RASA4B: variants seen among roughly 807,000 people sequenced by gnomAD.
RASA4B encodes the protein ras GTPase-activating protein 4B.
In RASA4B, 2 loss-of-function variants were observed where a neutral mutation model predicts 24.2. The ratio of observed to expected loss-of-function variants is 0.08; its 90% CI spans 0.03 to 0.26. The LOEUF (loss-of-function observed/expected upper bound fraction) is 0.26. RASA4B is among the 10% of genes least tolerant of loss of function. RASA4B has a pLI of 1.00. For synonymous variants in RASA4B, 2 were observed against 125.6 expected (o/e 0.02, Z 6.58); for missense variants, 8 against 277.2 (o/e 0.03, Z 6.90).
chr7:102,512,852 G>C (rs539293833), intron 1 of RASA4B, among the ~76,000 whole-genome samples: 3 of 148,264 alleles, frequency 2.0e-5, no homozygotes, highest in Non-Finnish European at 4.5e-5. Flanking sequence ...GAGGGAGGGG[G>C]AGACTGAGGG....
At position 102,480,297 on chromosome 7, in the gene RASA4B, G is replaced by A. The variant is rs970026698; in HGVS notation, c.*3295C>T. 6.6e-6 allele frequency among the ~76,000 whole-genome samples: 1 copy of A among 152,052 alleles called. No homozygotes were observed. Among genetic ancestry groups the A allele is most frequent in the Non-Finnish European group, 1.5e-5 (1 of 68,010 alleles). On this transcript the variant is annotated 3_prime_UTR_variant, in exon 21 of 21. Coordinates refer to ENST00000465829, the MANE Select transcript of RASA4B (RefSeq NM_001367767.2). ...GAGATCAGGATGAGGGTGGTGAGGTGGTGATCAGGGGGACCCATGCTTCTG... is the reference window on the plus strand; with the variant it reads ...GAGATCAGGATGAGGGTGGTGAGGTAGTGATCAGGGGGACCCATGCTTCTG...
At chr7:102,506,306 A>G (rs1337624557) in intron 5 of RASA4B, among the ~76,000 whole-genome samples, 2 of 152,282 alleles carry the variant, frequency 1.3e-5, no homozygotes, top group Non-Finnish European at 2.9e-5. Flanking sequence ...GCTGGAGTGC[A>G]GTGGCGCCAT....
chr7:102,497,253 C>T (rs1799181607), intron 8 of RASA4B, among the ~76,000 whole-genome samples: 1 of 151,566 alleles, frequency 6.6e-6, no homozygotes, highest in Non-Finnish European at 1.5e-5. Context: ...AGCCTTGAAT[C>T]GATCAACTCC....
chr7:102,513,127 A>G (rs1247838480), intron 1 of RASA4B, among the ~76,000 whole-genome samples: 9 of 147,444 alleles, frequency 6.1e-5, no homozygotes, highest in Non-Finnish European at 1.2e-4. Flanking sequence ...TCTCCCCAAC[A>G]CTGACACTGC....
chr7:102,491,366 G>A (rs1389877321), intron 16 of RASA4B, among the ~76,000 whole-genome samples: 2 of 25,022 alleles, frequency 8.0e-5, no homozygotes, highest in African/African-American at 9.9e-5. Flanking sequence ...GGGTAGTGTC[G>A]GGACAGCCAG....
chr7:102,492,117 C>T (rs1165543314), intron 16 of RASA4B, among the ~76,000 whole-genome samples: 2 of 8,982 alleles, frequency 2.2e-4, no homozygotes, highest in African/African-American at 4.1e-4. Context: ...AAGACCCTGT[C>T]TCAAAAAATA....
chr7:102,508,663 GT>G (rs1243012369), intron 4 of RASA4B, among the ~76,000 whole-genome samples: 576 of 106,520 alleles, frequency 5.4e-3, no homozygotes, highest in Non-Finnish European at 8.3e-3. Context: ...TAGAGACAGA[GT>G]TTTGCCATGT....
At chr7:102,498,206 G>T (rs1263361959) in intron 8 of RASA4B, among the ~76,000 whole-genome samples, 72 of 146,362 alleles carry the variant, frequency 4.9e-4, no homozygotes, top group African/African-American at 1.7e-3. Context: ...GCCTAAATTT[G>T]AATATTTTTA....
intron 1 of RASA4B, among the ~76,000 whole-genome samples, chr7:102,512,714 A>AGG (rs1299989255): frequency 2.5e-3 from 285 of 112,924 alleles, no homozygotes; most frequent in African/African-American, 9.9e-3. Flanking sequence ...GGGGTGAGAG[A>AGG]GGGGGGAGAG....
chr7:102,502,759 CA>C (rs879529595), intron 6 of RASA4B, among the ~76,000 whole-genome samples: 83 of 107,588 alleles, frequency 7.7e-4, no homozygotes, highest in Non-Finnish European at 1.0e-3. Flanking sequence ...GACTTGGCCT[CA>C]AAAAAAAAAA....
chr7:102,484,777 A>G (rs1321835186), intron 19 of RASA4B, among the ~76,000 whole-genome samples: 1 of 148,840 alleles, frequency 6.7e-6, no homozygotes, highest in Non-Finnish European at 1.5e-5. Flanking sequence ...GAATTGGCTG[A>G]GGCTGTGCCT....
intron 1 of RASA4B, among the ~76,000 whole-genome samples, chr7:102,512,721 AGAGAGAGAAGGG>A (rs1799730874): frequency 9.4e-6 from 1 of 106,296 alleles, no homozygotes; most frequent in Admixed American, 1.0e-4. Flanking sequence ...GAGAGGGGGG[AGAGAGAGAAGGG>A]GAGAGAGGGA....
At chr7:102,489,809 A>C (rs1467649073) in intron 17 of RASA4B, among the ~76,000 whole-genome samples, 1 of 110,196 alleles carries the variant, frequency 9.1e-6, no homozygotes, top group Admixed American at 9.7e-5. Context: ...TTTTTAAGAG[A>C]CAGGGTCTCA....
intron 17 of RASA4B, among the ~76,000 whole-genome samples, chr7:102,489,633 C>A (rs1458688150): frequency 2.7e-5 from 4 of 149,462 alleles, no homozygotes; most frequent in African/African-American, 7.3e-5. Context: ...GCTGGGACTA[C>A]AGGCACCCAC....
intron 6 of RASA4B, among the ~76,000 whole-genome samples, chr7:102,502,650 C>T (rs1267527302): frequency 8.9e-6 from 1 of 112,568 alleles, no homozygotes; most frequent in Non-Finnish European, 2.2e-5. Context: ...ATCCTAGCTA[C>T]TCGTGTGGCT....
At chr7:102,486,273 C>G in intron 18 of RASA4B, among the ~76,000 whole-genome samples, 1 of 149,910 alleles carries the variant, frequency 6.7e-6, no homozygotes, top group East Asian at 2.0e-4. Flanking sequence ...TGGCTTGAGC[C>G]CAGGAGGTCA....
chr7:102,498,224 T>C (rs1275818435), intron 8 of RASA4B, among the ~76,000 whole-genome samples: 1 of 148,802 alleles, frequency 6.7e-6, no homozygotes, highest in African/African-American at 2.4e-5. Flanking sequence ...TTAGTATAGG[T>C]ATGTCTCAAA....
intron 6 of RASA4B, among the ~76,000 whole-genome samples, chr7:102,502,695 G>A (rs1799362583): frequency 1.6e-5 from 2 of 127,870 alleles, no homozygotes; most frequent in South Asian, 2.4e-4. Context: ...GGAAGGCAGA[G>A]CCTGCAGTGA....
At chr7:102,491,563 T>A (rs1409084416) in intron 16 of RASA4B, among the ~76,000 whole-genome samples, 1 of 56,796 alleles carries the variant, frequency 1.8e-5, no homozygotes, top group African/African-American at 2.9e-5. Context: ...AGGTTGGGAG[T>A]TCGAGACCAG....
Sources: gnomAD v4.1 joint callset for allele counts (sites outside exome capture counted in the v4.1 genomes callset) on GRCh38, gnomAD v4.1.1 for gene constraint, MANE v1.5 for transcripts, NCBI Gene and HGNC (gene_info 2026-07-23, HGNC 2026-07-21) for gene names.